MFSD2A: variants seen among roughly 807,000 people sequenced by gnomAD.
MFSD2A encodes sodium-dependent lysophosphatidylcholine symporter 1.
A neutral mutation model predicts 64.7 loss-of-function variants in MFSD2A; 27 were observed. The ratio of observed to expected loss-of-function variants is 0.42; its 90% CI spans 0.31 to 0.58. The LOEUF (loss-of-function observed/expected upper bound fraction) is 0.58. MFSD2A is among the 20% of genes least tolerant of loss of function. The pLI, the probability that MFSD2A is intolerant of heterozygous loss-of-function variation, is 0.18. For missense variants in MFSD2A, 474 were observed against 679.5 expected (o/e 0.70, Z 3.36); for synonymous variants, 258 against 273.4 (o/e 0.94, Z 0.55).
chr1:39,961,951 G>C lies in MFSD2A; in HGVS notation c.353+3126G>C, dbSNP rs148884914. The stretch of plus-strand genomic sequence containing the variant: ...CCTTCCCAGCCCAGGGCTTTCTACA[G>C]CTCCCCTGGTGTGGCCTGCATTAGT... On this transcript the variant is annotated intron_variant, in intron 3 of 13. Transcript: ENST00000372811. Among the ~76,000 whole-genome samples the C allele has an allele frequency of 4.4e-3, 665 of 152,354 alleles. 5 individuals are homozygous for C. Among genetic ancestry groups the C allele is most frequent in the Middle Eastern group, 0.017 (5 of 294 alleles).
At chr1:39,966,452 A>G (rs2124777145) in intron 6 of MFSD2A, 149 bp from the exon 7 acceptor site, 1 of 697,302 alleles carries the variant, frequency 1.4e-6, no homozygotes. Context: ...CAGCAGGCCC[A>G]GGATGATCCT....
chr1:39,955,371 C>A lies in MFSD2A; in HGVS notation c.79C>A (p.Pro27Thr). The A allele has an allele frequency of 6.7e-7, 1 of 1,495,640 alleles. No individual in the cohort carries two copies. Among genetic ancestry groups the A allele is most frequent in the African/African-American group, 1.4e-5 (1 of 70,572 alleles). 92.6% of individuals were successfully genotyped at this position (1,495,640 alleles called of 1,614,324 possible). A position where few individuals can be genotyped will look rare whatever the true frequency, so the allele number is the denominator to read the frequency against. Residue 27 changes from proline (P) to threonine (T), a missense_variant, in exon 1 of 14, where the codon CCG becomes ACG. Coordinates refer to ENST00000372811, the MANE Select transcript of MFSD2A (RefSeq NM_032793.5). The surrounding 1 kb of genome is among the most constrained non-coding windows in gnomAD (Gnocchi z 5.9). ...PTSILQSTER[P>T]AQVKKEPKKK... is the part of the protein sequence containing the mutation. The stretch of plus-strand genomic sequence containing the variant: ...CAGCATCCTCCAAAGCACTGAACGC[C>A]CGGCCCAGGTGAAGGTGAGGGCCCG...
chr1:39,968,701 TGAG>T lies in MFSD2A; in HGVS notation c.1489_1491del (p.Glu497del). 1 of 1,614,002 alleles carries T rather than the reference TGAG, an allele frequency of 6.2e-7. No individual in the cohort carries two copies. Among genetic ancestry groups the T allele is most frequent in the Non-Finnish European group, 8.5e-7 (1 of 1,179,992 alleles). On this transcript the variant is annotated inframe_deletion, in exon 13 of 14. Transcript: ENST00000372811. The surrounding 1 kb of genome is among the most constrained non-coding windows in gnomAD (Gnocchi z 4.4). ...TGCTCTTCAAAATGTACCCCATTGA[TGAG>T]GAGAGGCGGCGGCAGAATAAGAAGG...
At chr1:39,962,189 C>T (rs1392558483) in intron 3 of MFSD2A, among the ~76,000 whole-genome samples, 1 of 152,206 alleles carries the variant, frequency 6.6e-6, no homozygotes, top group Non-Finnish European at 1.5e-5. Flanking sequence ...TTTACTCGAG[C>T]CCTCCTGGCC....
Position 39,969,955 on chromosome 1 carries a change from C to T in MFSD2A, c.*387C>T, listed in dbSNP as rs1645247565. ...ATTAATTTTCATAAAAGCTGGAAAG[C>T]AGCTGCCTGTTTCTGTCTGTGTCCT... On this transcript the variant is annotated 3_prime_UTR_variant, in exon 14 of 14. Transcript: ENST00000372811. 1.1e-5 allele frequency: 2 copies of T among 186,032 alleles called. No individual in the cohort carries two copies. Among genetic ancestry groups the T allele is most frequent in the South Asian group, 2.1e-4 (2 of 9,598 alleles). The allele number at this position is 186,032 out of a possible 1,614,324, so 11.5% of individuals were successfully genotyped here. A position where few individuals can be genotyped will look rare whatever the true frequency, so the allele number is the denominator to read the frequency against.
rs1645110445 is a variant in MFSD2A at position 39,964,438 on chromosome 1, C to T, written c.354-773C>T. On this transcript the variant is annotated intron_variant, in intron 3 of 13. Coordinates refer to ENST00000372811, the MANE Select transcript of MFSD2A (RefSeq NM_032793.5). This position sits in a 1 kb window ranked among gnomAD's most constrained non-coding sequence, Gnocchi z 4.1. ...AGTTGGTGGAGCTAGAATGGAATCC[C>T]TGAAGAGTGGCTCAAAGGCCTTTCT... 6.6e-6 allele frequency: 1 copy of T among 152,254 alleles called. No individual in the cohort carries two copies. The highest frequency in any genetic ancestry group is 6.5e-5 in the Admixed American group (1 of 15,290). 9.4% of individuals were successfully genotyped at this position (152,254 alleles called of 1,614,324 possible). A position where few individuals can be genotyped will look rare whatever the true frequency, so the allele number is the denominator to read the frequency against.
In MFSD2A at chr1:39,967,066, C is replaced by T. The variant is rs371059324; in HGVS notation, c.928-20C>T. On this transcript the variant is annotated intron_variant, in intron 8 of 13. Transcript: ENST00000372811. The stretch of plus-strand genomic sequence containing the variant: ...CACCTCCTTCCTTGCATTTCCTTCC[C>T]TACCTTGCTCCATGCCCAGCTGGTG... 6.2e-7 allele frequency: 1 copy of T among 1,613,572 alleles called. No individual in the cohort carries two copies. The highest frequency in any genetic ancestry group is 1.1e-5 in the South Asian group (1 of 90,980).
Position 39,967,722 on chromosome 1 carries a change from T to C in MFSD2A, c.1095+11T>C, listed in dbSNP as rs1354820651. 4.3e-6 allele frequency: 7 copies of C among 1,613,748 alleles called. No individual in the cohort carries two copies. Among genetic ancestry groups the C allele is most frequent in the Non-Finnish European group, 5.1e-6 (6 of 1,179,776 alleles). ...TATGTTGGGATCTCAGTGAGTGGGG[T>C]TGAAGAGCAGAGCCTGGGTTGAGTT... On this transcript the variant is annotated intron_variant, in intron 10 of 13. Transcript: ENST00000372811.
At chr1:39,961,754 C>T (rs1033970366) in intron 3 of MFSD2A, among the ~76,000 whole-genome samples, 2 of 151,134 alleles carry the variant, frequency 1.3e-5, no homozygotes, top group Admixed American at 1.3e-4. Context: ...TCAAGCAATA[C>T]TCCTGCCTCG....
chr1:39,955,633 G>A lies in MFSD2A; in HGVS notation c.93+248G>A. 1.5e-6 allele frequency: 1 copy of A among 684,262 alleles called. No individual in the cohort carries two copies. The highest frequency in any genetic ancestry group is 2.7e-6 in the Non-Finnish European group (1 of 374,056). The allele number at this position is 684,262 out of a possible 1,614,324, so 42.4% of individuals were successfully genotyped here. ...GGAGAGGCTCTGCCGGCAGCCCCAT[G>A]TGATTCCCCGCTCTGCCTAGCCGGT... On this transcript the variant is annotated intron_variant, in intron 1 of 13. Transcript: ENST00000372811. The surrounding 1 kb of genome is among the most constrained non-coding windows in gnomAD (Gnocchi z 5.9).
chr1:39,957,055 T>C, intron 1 of MFSD2A, 32 bp from the exon 2 acceptor site: 1 of 1,607,580 alleles, frequency 6.2e-7, no homozygotes, highest in South Asian at 1.1e-5. Flanking sequence ...GGCCAGAACC[T>C]TGGGCCTTTC....
In MFSD2A at chr1:39,967,719, G is replaced by C; in HGVS notation, c.1095+8G>C. ...GTATATGTTGGGATCTCAGTGAGTG[G>C]GGTTGAAGAGCAGAGCCTGGGTTGA... is the stretch of plus-strand genomic sequence containing the variant. On this transcript the variant is annotated splice_region_variant and intron_variant, in intron 10 of 13. Transcript: ENST00000372811. The C allele has an allele frequency of 6.2e-7, 1 of 1,613,926 alleles. No homozygotes were observed. Among genetic ancestry groups the C allele is most frequent in the Non-Finnish European group, 8.5e-7 (1 of 1,179,848 alleles).
rs966995628 is a variant in MFSD2A, at chr1:39,960,434, C to G, written c.353+1609C>G. ...TAAGGCCCAGGTTGGAGCCTTTGAT[C>G]CAGTCTTCAGGGCCGGGGGCAGGAC... is the stretch of plus-strand genomic sequence containing the variant. On this transcript the variant is annotated intron_variant, in intron 3 of 13. Transcript: ENST00000372811. The surrounding 1 kb of genome is among the most constrained non-coding windows in gnomAD (Gnocchi z 4.8). 1.4e-5 allele frequency among the ~76,000 whole-genome samples: 2 copies of G among 147,462 alleles called. No homozygotes were observed. Among genetic ancestry groups the G allele is most frequent in the African/African-American group, 4.9e-5 (2 of 40,616 alleles).
chr1:39,968,258 A>G lies in MFSD2A; in HGVS notation c.1209-76A>G. 6.3e-7 allele frequency: 1 copy of G among 1,592,526 alleles called. No homozygotes were observed. The highest frequency in any genetic ancestry group is 1.1e-5 in the South Asian group (1 of 90,172). ...TGTACCCATGGTACTGCAAGCTTCCAGAGGGCCACCTCTTCTCATTAACAC... is the reference window on the plus strand; with the variant it reads ...TGTACCCATGGTACTGCAAGCTTCCGGAGGGCCACCTCTTCTCATTAACAC... On this transcript the variant is annotated intron_variant, in intron 11 of 13. Transcript: ENST00000372811. The surrounding 1 kb of genome is among the most constrained non-coding windows in gnomAD (Gnocchi z 4.4).
Position 39,955,159 on chromosome 1 carries a change from G to T in MFSD2A, c.-134G>T, listed in dbSNP as rs182239772. The T allele has an allele frequency of 1.7e-3, 1,080 of 619,538 alleles. 4 individuals carry two copies. Among genetic ancestry groups the T allele is most frequent in the Middle Eastern group, 8.6e-3 (18 of 2,098 alleles). The allele number at this position is 619,538 out of a possible 1,614,324, so 38.4% of individuals were successfully genotyped here. ...GGGCGTGCAGCAGAGTGCGTTCCTC[G>T]TCTGCCAGCCGGCTTGGCTAGCGCG... On this transcript the variant is annotated 5_prime_UTR_variant, in exon 1 of 14. Transcript: ENST00000372811. The surrounding 1 kb of genome is among the most constrained non-coding windows in gnomAD (Gnocchi z 5.9).
At position 39,969,717 on chromosome 1, in the gene MFSD2A, G is replaced by A. The variant is rs1316795214; in HGVS notation, c.*149G>A. On this transcript the variant is annotated 3_prime_UTR_variant, in exon 14 of 14. Transcript: ENST00000372811. ...GCCCAGGACACTTGCTGTGCTCACT[G>A]TGGGGCCGGCTGCTCTGTGGCCTCC... is the stretch of plus-strand genomic sequence containing the variant. 4.0e-6 allele frequency: 3 copies of A among 753,658 alleles called. No individual in the cohort carries two copies. The highest frequency in any genetic ancestry group is 3.7e-5 in the South Asian group (2 of 54,716). 46.7% of individuals were successfully genotyped at this position (753,658 alleles called of 1,614,324 possible).
At chr1:39,967,413 A>G in intron 9 of MFSD2A, 1 of 625,790 alleles carries the variant, frequency 1.6e-6, no homozygotes, top group South Asian at 1.9e-5. Context: ...AACTTGGCTC[A>G]GAGGTTTGAG....
chr1:39,963,737 AGTTTGTTT>A lies in MFSD2A; in HGVS notation c.354-1464_354-1457del, dbSNP rs372312839. On this transcript the variant is annotated intron_variant, in intron 3 of 13. Coordinates refer to ENST00000372811, the MANE Select transcript of MFSD2A (RefSeq NM_032793.5). This position sits in a 1 kb window ranked among gnomAD's most constrained non-coding sequence, Gnocchi z 4.2. ...CACATTAAGGATGTAATAATCAAGG[AGTTTGTTT>A]GTTTGTTTGAGACAGGGCCTCACTC... 6.6e-6 allele frequency among the ~76,000 whole-genome samples: 1 copy of A among 151,842 alleles called. No homozygotes were observed. Among genetic ancestry groups the A allele is most frequent in the Admixed American group, 6.6e-5 (1 of 15,236 alleles).
chr1:39,955,733 T>G lies in MFSD2A; in HGVS notation c.93+348T>G. 1.9e-6 allele frequency: 1 copy of G among 513,538 alleles called. No homozygotes were observed. The highest frequency in any genetic ancestry group is 3.7e-6 in the Non-Finnish European group (1 of 268,076). The allele number at this position is 513,538 out of a possible 1,614,324, so 31.8% of individuals were successfully genotyped here. A position where few individuals can be genotyped will look rare whatever the true frequency, so the allele number is the denominator to read the frequency against. On this transcript the variant is annotated intron_variant, in intron 1 of 13. Transcript: ENST00000372811. This position sits in a 1 kb window ranked among gnomAD's most constrained non-coding sequence, Gnocchi z 5.9. ...AGATGACCCCAGAAATCTGGGAAAC[T>G]CCCCTTGGTTCCCCATCTCTCATCC...
Sources: allele counts gnomAD v4.1 joint callset (sites outside exome capture counted in the v4.1 genomes callset), GRCh38; gene constraint gnomAD v4.1.1; non-coding constraint Gnocchi (gnomAD v3.1); transcripts MANE v1.5; gene names NCBI Gene and HGNC (gene_info 2026-07-23, HGNC 2026-07-21).